CCDC74B: variants seen among roughly 807,000 people sequenced by gnomAD.
CCDC74B encodes coiled-coil domain containing 74B, also known as coiled-coil domain-containing protein 74B.
In CCDC74B, 34 loss-of-function variants were observed where a neutral mutation model predicts 38.0. That is an observed-to-expected ratio of 0.89 (90% CI 0.68 to 1.19). The LOEUF is 1.19. Ranked by LOEUF, CCDC74B falls within the 50% of genes most tolerant of loss-of-function variation. The probability of loss-of-function intolerance (pLI) is 0.00; values close to 1 mark genes in which losing one functional copy is unlikely to be tolerated. For missense variants in CCDC74B, 358 were observed against 406.0 expected (o/e 0.88, Z 1.02); for synonymous variants, 132 against 170.4 (o/e 0.77, Z 1.76).
rs143728442 is a variant in CCDC74B at position 130,139,678 on chromosome 2, G to A, written c.822C>T (p.Ser274=). 46 of 1,613,022 alleles carry A rather than the reference G, an allele frequency of 2.9e-5. No individual in the cohort carries two copies. In the African/African-American group the frequency reaches 5.9e-4, roughly 21 times the overall value. ...GGATGGCACGCTCCGCCACAGGTGG[G>A]CTCAGAAGCAGGCTGGGGGCGGGTA... ...KSLSKKCLLL[S]PPVAERAILP... The change falls in exon 8 of 8, where the codon AGC becomes AGT. Residue 274 remains serine, a synonymous_variant. Transcript: ENST00000409943.
At chr2:130,143,344 T>C (rs553162472) in intron 1 of CCDC74B, 31 bp from the exon 2 acceptor site, 1 of 1,613,830 alleles carries the variant, frequency 6.2e-7, no homozygotes, top group Non-Finnish European at 8.5e-7. Context: ...TCCTCAGCAC[T>C]TGTGAAACCA....
rs1327837807 is a variant in CCDC74B, at chr2:130,141,292, C to T, written c.351G>A (p.Lys117=). The T allele has an allele frequency of 6.2e-7, 1 of 1,609,590 alleles. No homozygotes were observed. The highest frequency in any genetic ancestry group is 8.5e-7 in the Non-Finnish European group (1 of 1,177,398). The part of the protein sequence containing the change: ...QSVKSISNSG[K]ARPQPGSFNK... ...TGAAGGAGCCGGGCTGGGGCCTGGC[C>T]TTGCCTTGAGAGTTGGCTGCAAGTC... The change falls in exon 4 of 8, where the codon AAG becomes AAA. Residue 117 remains lysine, a synonymous_variant. Coordinates refer to ENST00000409943, the MANE Select transcript of CCDC74B (RefSeq NM_001258307.2).
At position 130,139,916 on chromosome 2, in the gene CCDC74B, A is replaced by T; in HGVS notation, c.784T>A (p.Ser262Thr). ...DQEATHFPKV[S>T]TKSLSKKCLL... ...CATTTCTTGGAGAGGCTCTTGGTGGAGACCTTGGGGAAATGCGTGGCTTCT... is the reference window on the plus strand; with the variant it reads ...CATTTCTTGGAGAGGCTCTTGGTGGTGACCTTGGGGAAATGCGTGGCTTCT... Residue 262 changes from serine to threonine, a missense_variant, in exon 7 of 8, where the codon TCC (serine) becomes ACC (threonine). Ser to Thr is a moderately conservative substitution (Grantham distance 58). Coordinates refer to ENST00000409943, the MANE Select transcript of CCDC74B (RefSeq NM_001258307.2). 6.2e-7 allele frequency: 1 copy of T among 1,612,426 alleles called. No homozygotes were observed. Among genetic ancestry groups the T allele is most frequent in the Non-Finnish European group, 8.5e-7 (1 of 1,179,316 alleles).
At position 130,139,511 on chromosome 2, in the gene CCDC74B, C is replaced by G; in HGVS notation, c.*44G>C. The G allele has an allele frequency of 6.2e-7, 1 of 1,606,406 alleles. No homozygotes were observed. On this transcript the variant is annotated 3_prime_UTR_variant, in exon 8 of 8. Coordinates refer to ENST00000409943, the MANE Select transcript of CCDC74B (RefSeq NM_001258307.2). ...GGAAATGCTATAGAGAGCCAATCTC[C>G]AGCTGCAGGTTGGTGGGCCTGGCAC...
intron 4 of CCDC74B, chr2:130,140,696 T>C (rs1685554622): frequency 6.7e-6 from 3 of 451,078 alleles, no homozygotes; most frequent in Non-Finnish European, 7.7e-6. Context: ...CAGGAGCCTG[T>C]CCTGCTGGTT....
rs2599954 is a variant in CCDC74B at position 130,140,092 on chromosome 2, T to G, written c.683A>C (p.Gln228Pro). 2 of 1,612,744 alleles carry G rather than the reference T, an allele frequency of 1.2e-6. No individual in the cohort carries two copies. The highest frequency in any genetic ancestry group is 1.7e-6 in the Non-Finnish European group (2 of 1,179,662). The change falls in exon 6 of 8, where the codon CAG becomes CCG. Residue 228 changes from glutamine to proline, a missense_variant. Gln to Pro is a moderately conservative substitution (Grantham distance 76). Around this residue, in one of 3 missense-constraint regions of CCDC74B, gnomAD observed 213 missense variants for 212.3 expected, o/e 1.00. Transcript: ENST00000409943. ...NTNLLQTQELQHLKSLLEGSQ... is the reference protein window; with the variant it reads ...NTNLLQTQELPHLKSLLEGSQ... ...CCCTTCCAGGAGGGACTTGAGGTGC[T>G]GCAGCTGAAAGGCAGGGGCAGGGGC...
intron 2 of CCDC74B, chr2:130,142,448 G>T: frequency 6.2e-7 from 1 of 1,613,016 alleles, no homozygotes; most frequent in Non-Finnish European, 8.5e-7. Flanking sequence ...GCCTCTTCCC[G>T]TGTCCTGTCA....
intron 2 of CCDC74B, chr2:130,142,899 G>A (rs548017262): frequency 1.3e-6 from 2 of 1,550,450 alleles, no homozygotes; most frequent in Non-Finnish European, 1.7e-6. Flanking sequence ...GAGCCATAGG[G>A]CTGGAGATCC....
chr2:130,139,915 G>A lies in CCDC74B; in HGVS notation c.785C>T (p.Ser262Phe), dbSNP rs1308237704. 12 of 1,612,542 alleles carry A rather than the reference G, an allele frequency of 7.4e-6. No individual in the cohort carries two copies. The highest frequency in any genetic ancestry group is 8.5e-6 in the Non-Finnish European group (10 of 1,179,390). The change falls in exon 7 of 8, where the codon TCC (serine) becomes TTC (phenylalanine). Residue 262 changes from serine to phenylalanine, a missense_variant. Coordinates refer to ENST00000409943, the MANE Select transcript of CCDC74B (RefSeq NM_001258307.2). ...CCATTTCTTGGAGAGGCTCTTGGTG[G>A]AGACCTTGGGGAAATGCGTGGCTTC... is the stretch of plus-strand genomic sequence containing the variant. ...DQEATHFPKVSTKSLSKKCLL... is the reference protein window; with the variant it reads ...DQEATHFPKVFTKSLSKKCLL...
At position 130,141,834 on chromosome 2, in the gene CCDC74B, G is replaced by A. The variant is rs1685650668; in HGVS notation, c.346+299C>T. The A allele has an allele frequency of 6.9e-6, 4 of 579,194 alleles. No homozygotes were observed. In the South Asian group the frequency reaches 8.4e-5, roughly 12 times the overall value. The allele number at this position is 579,194 out of a possible 1,614,324, so 35.9% of individuals were successfully genotyped here. A position where few individuals can be genotyped will look rare whatever the true frequency, so the allele number is the denominator to read the frequency against. On this transcript the variant is annotated intron_variant, in intron 3 of 7. Coordinates refer to ENST00000409943, the MANE Select transcript of CCDC74B (RefSeq NM_001258307.2). ...AAGCAGGGCTGCTGCTGGGCAGCCA[G>A]GGTACGTCCTCCCTAGGCGGCCACC...
At position 130,139,513 on chromosome 2, in the gene CCDC74B, G is replaced by A; in HGVS notation, c.*42C>T. On this transcript the variant is annotated 3_prime_UTR_variant, in exon 8 of 8. Coordinates refer to ENST00000409943, the MANE Select transcript of CCDC74B (RefSeq NM_001258307.2). ...AAATGCTATAGAGAGCCAATCTCCA[G>A]CTGCAGGTTGGTGGGCCTGGCACTG... The A allele has an allele frequency of 1.2e-6, 2 of 1,607,128 alleles. No homozygotes were observed. The highest frequency in any genetic ancestry group is 1.7e-6 in the Non-Finnish European group (2 of 1,175,982).
chr2:130,142,595 C>T, intron 2 of CCDC74B: 1 of 1,547,296 alleles, frequency 6.5e-7, no homozygotes, highest in South Asian at 1.2e-5. Flanking sequence ...GAAGGGAGAG[C>T]CCTAGGCACT....
At chr2:130,142,602 C>T (rs1427728095) in intron 2 of CCDC74B, 4 of 1,546,736 alleles carry the variant, frequency 2.6e-6, no homozygotes, top group Non-Finnish European at 3.5e-6. Context: ...GAGCCCTAGG[C>T]ACTGCCCCAG....
chr2:130,142,418 A>G (rs1659236548), intron 2 of CCDC74B: 1 of 1,613,376 alleles, frequency 6.2e-7, no homozygotes. Context: ...ATGGAACAGC[A>G]GGTCCCGAGG....
Position 130,142,136 on chromosome 2 carries a change from A to C in CCDC74B, c.343T>G (p.Ser115Ala), listed in dbSNP as rs1685674939. 1 of 1,613,448 alleles carries C rather than the reference A, an allele frequency of 6.2e-7. No homozygotes were observed. The highest frequency in any genetic ancestry group is 1.1e-5 in the South Asian group (1 of 91,050). Residue 115 changes from serine to alanine, a missense_variant, in exon 3 of 8, where the codon TCA becomes GCA. Physicochemically the swap from Ser to Ala is moderately conservative, Grantham distance 99. Transcript: ENST00000409943. ...ACATGGACGCCAGCCTGCTCACCTG[A>C]ATTAGAGATGGACTTGACAGACTGG... ...SFQSVKSISN[S>A]GKARPQPGSF...
In CCDC74B at chr2:130,139,850, C is replaced by A. The variant is rs572724786; in HGVS notation, c.809+41G>T. On this transcript the variant is annotated intron_variant, in intron 7 of 7. Coordinates refer to ENST00000409943, the MANE Select transcript of CCDC74B (RefSeq NM_001258307.2). Reference sequence around the variant, plus strand: ...CCCCACTCCCTCCCTGGGGCCCAGGCTGCAGGGCTGCCCCACTGTCCCCAT... The same window carrying A: ...CCCCACTCCCTCCCTGGGGCCCAGGATGCAGGGCTGCCCCACTGTCCCCAT... The A allele has an allele frequency of 4.3e-6, 7 of 1,609,720 alleles. No individual in the cohort carries two copies. The Admixed American group carries it at 1.2e-4, about 27-fold the overall frequency.
intron 6 of CCDC74B, 29 bp from the exon 7 acceptor site, chr2:130,139,976 T>C: frequency 6.2e-7 from 1 of 1,606,244 alleles, no homozygotes. Context: ...AGCAGTGAGC[T>C]GTGGATAGGC....
rs2599952 is a variant in CCDC74B, at chr2:130,139,731, C to G, written c.810-41G>C. On this transcript the variant is annotated intron_variant, in intron 7 of 7. Transcript: ENST00000409943. ...GGGACTGTCACCGTGAGCATCCTCG[C>G]GAGTGGAGTGTGTGGGGAGTGCGGC... is the stretch of plus-strand genomic sequence containing the variant. 7.6e-5 allele frequency: 122 copies of G among 1,610,910 alleles called. 1 individual carries two copies. The highest frequency in any genetic ancestry group is 3.8e-4 in the South Asian group (35 of 90,942).
intron 1 of CCDC74B, 91 bp downstream of exon 1, chr2:130,144,656 G>C: frequency 6.4e-7 from 1 of 1,558,078 alleles, no homozygotes. Flanking sequence ...GCGTGTGCTG[G>C]AGTTGATGGC....
Sources: allele counts gnomAD v4.1 joint callset, GRCh38; gene constraint gnomAD v4.1.1; regional missense constraint gnomAD v4.1.1; transcripts MANE v1.5; gene names NCBI Gene and HGNC (gene_info 2026-07-23, HGNC 2026-07-21).